Variants in LIN54 observed in about 807,000 individuals in gnomAD.
LIN54 encodes the protein lin-54 DREAM MuvB core complex component.
In LIN54, 9 loss-of-function variants were observed where a neutral mutation model predicts 78.7. The observed-to-expected ratio is 0.11, with a 90% CI of 0.07 to 0.20. The LOEUF (loss-of-function observed/expected upper bound fraction) is 0.20, where lower values mean the gene tolerates loss of function less well. Among genes scored for constraint, LIN54 ranks in the 10% least tolerant of loss-of-function variants. LIN54 has a pLI of 1.00. For synonymous variants in LIN54, 269 were observed against 318.4 expected, an observed-to-expected ratio of 0.84 and a Z score of 1.65; for missense variants, 573 against 889.9, an observed-to-expected ratio of 0.64 and a Z score of 4.53.
chr4:82,989,674 C>A (rs1727495223), intron 1 of LIN54, among the ~76,000 whole-genome samples: 1 of 152,188 alleles, frequency 6.6e-6, no homozygotes, highest in Non-Finnish European at 1.5e-5. Flanking sequence ...ATTAATCTTT[C>A]TCTTTAAAGC....
intron 2 of LIN54, 105 bp from the exon 3 acceptor site, chr4:82,979,111 C>T: frequency 1.4e-6 from 1 of 702,322 alleles, no homozygotes; most frequent in South Asian, 2.7e-5. Flanking sequence ...AAAACCAGCT[C>T]ACTTAACAGA....
intron 11 of LIN54, 94 bp from the exon 12 acceptor site, chr4:82,931,239 C>A (rs1409708210): frequency 2.3e-6 from 2 of 853,158 alleles, no homozygotes; most frequent in Non-Finnish European, 3.8e-6. Flanking sequence ...AATAGCATTA[C>A]CTGGTCAACT....
At chr4:82,936,167 A>T (rs1232675339) in intron 10 of LIN54, 49 bp from the exon 11 acceptor site, 3 of 1,604,966 alleles carry the variant, frequency 1.9e-6, no homozygotes, top group Admixed American at 3.3e-5. Context: ...CAGTAGATGA[A>T]ATTTAAACAC....
At chr4:82,978,843 A>G in intron 3 of LIN54, 40 bp downstream of exon 3, 1 of 1,267,590 alleles carries the variant, frequency 7.9e-7, no homozygotes, top group East Asian at 2.4e-5. Context: ...TCTAAAAGGA[A>G]GATAAATATT....
Position 82,984,665 on chromosome 4 carries a change from G to C in LIN54, c.180C>G (p.Pro60=). 1.9e-6 allele frequency: 3 copies of C among 1,614,156 alleles called. No homozygotes were observed. Among genetic ancestry groups the C allele is most frequent in the Non-Finnish European group, 2.5e-6 (3 of 1,180,026 alleles). ...ACACTGTGATTGGTTCCGTGGAAAT[G>C]GGCGTGGCTGTAGAGTCACCAGTAG... is the stretch of plus-strand genomic sequence containing the variant. ...INSTGDSTAT[P]ISTEPITVYS... The change falls in exon 2 of 13, where the codon CCC becomes CCG. Residue 60 remains proline, a synonymous_variant. Transcript: ENST00000340417.
intron 1 of LIN54, among the ~76,000 whole-genome samples, chr4:82,987,455 G>T (rs557291134): frequency 6.6e-6 from 1 of 152,266 alleles, no homozygotes; most frequent in East Asian, 1.9e-4. Flanking sequence ...GAACATGCAG[G>T]TTTGTTACAC....
Position 83,010,483 on chromosome 4 carries a change from C to T in LIN54, c.-33+1G>A. ...CCCTCGGGTACCCCATCCTCCTCTA[C>T]CTCCAGCGGCTGCCGCTTTCTCCTC... On this transcript the variant is annotated splice_donor_variant, in intron 1 of 12. Transcript: ENST00000340417. LOFTEE classifies it low-confidence loss of function (5UTR_SPLICE). 1 of 1,023,996 alleles carries T rather than the reference C, an allele frequency of 9.8e-7. No homozygotes were observed. The highest frequency in any genetic ancestry group is 1.2e-6 in the Non-Finnish European group (1 of 855,628). 63.4% of individuals were successfully genotyped at this position (1,023,996 alleles called of 1,614,324 possible).
Position 82,984,836 on chromosome 4 carries a change from C to T in LIN54, c.9G>A (p.Val3=). The change falls in exon 2 of 13, where the codon GTG becomes GTA. Residue 3 remains valine, a synonymous_variant. Coordinates refer to ENST00000340417, the MANE Select transcript of LIN54 (RefSeq NM_194282.4). The part of the protein sequence containing the change: ME[V]VPAEVNSLLP... ...GCAAACTATTCACCTCAGCTGGCAC[C>T]ACCTCCATGATCGTTCTCCCGCTAG... 2 of 1,608,306 alleles carry T rather than the reference C, an allele frequency of 1.2e-6. No individual in the cohort carries two copies. The highest frequency in any genetic ancestry group is 8.5e-7 in the Non-Finnish European group (1 of 1,177,158).
rs147947630 is a variant in LIN54, at chr4:82,997,784, G to C, written c.-33+12700C>G. On this transcript the variant is annotated intron_variant, in intron 1 of 12. Coordinates refer to ENST00000340417, the MANE Select transcript of LIN54 (RefSeq NM_194282.4). ...AAGGAGGGCGGATCACCTGAGGTCA[G>C]GAGTTTGAGACCAGCCTGGCCAACA... 4.4e-3 allele frequency among the ~76,000 whole-genome samples: 663 copies of C among 151,494 alleles called. 8 individuals carry two copies. Among genetic ancestry groups the C allele is most frequent in the African/African-American group, 0.015 (611 of 41,222 alleles).
intron 4 of LIN54, among the ~76,000 whole-genome samples, chr4:82,962,420 T>A (rs1724872878): frequency 6.6e-6 from 1 of 152,186 alleles, no homozygotes; most frequent in Non-Finnish European, 1.5e-5. Flanking sequence ...CTTAAAAAAA[T>A]TTATTTTTAA....
At chr4:82,981,913 A>T (rs1267238030) in intron 2 of LIN54, among the ~76,000 whole-genome samples, 2 of 152,168 alleles carry the variant, frequency 1.3e-5, no homozygotes, top group African/African-American at 4.8e-5. Context: ...TTGCATCTGT[A>T]GTCCCAGCTA....
At chr4:82,930,342 G>A (rs1478293633) in intron 12 of LIN54, among the ~76,000 whole-genome samples, 1 of 152,186 alleles carries the variant, frequency 6.6e-6, no homozygotes, top group Admixed American at 6.5e-5. Flanking sequence ...GACAAACACT[G>A]GAGATATTAT....
At chr4:82,943,987 G>A (rs1688120062) in intron 5 of LIN54, among the ~76,000 whole-genome samples, 1 of 150,466 alleles carries the variant, frequency 6.6e-6, no homozygotes, top group African/African-American at 2.5e-5. Flanking sequence ...TCCTGCCTCA[G>A]CCTCCCAAGT....
intron 12 of LIN54, among the ~76,000 whole-genome samples, chr4:82,929,192 T>TA (rs1390840473): frequency 6.6e-6 from 1 of 152,226 alleles, no homozygotes; most frequent in Non-Finnish European, 1.5e-5. Flanking sequence ...AATATTAATT[T>TA]AAGGTTTTGG....
At chr4:82,970,739 G>C (rs1299517444) in intron 3 of LIN54, among the ~76,000 whole-genome samples, 2 of 152,198 alleles carry the variant, frequency 1.3e-5, no homozygotes, top group Non-Finnish European at 2.9e-5. Flanking sequence ...CCATCAGAGA[G>C]AAAGCTCAGG....
chr4:82,957,824 T>C (rs1724453030), intron 4 of LIN54, among the ~76,000 whole-genome samples: 1 of 152,188 alleles, frequency 6.6e-6, no homozygotes, highest in Non-Finnish European at 1.5e-5. Context: ...CTATAAACTT[T>C]AGGGTCTGTG....
intron 1 of LIN54, among the ~76,000 whole-genome samples, chr4:82,991,146 T>A (rs1392979805): frequency 1.1e-5 from 1 of 94,566 alleles, no homozygotes; most frequent in Non-Finnish European, 2.2e-5. Flanking sequence ...TGACAGCCTG[T>A]CTCTTAAGAA....
chr4:83,006,302 AGCCAGACATGCTGGCATGC>A (rs1376550357), intron 1 of LIN54, among the ~76,000 whole-genome samples: 1 of 152,066 alleles, frequency 6.6e-6, no homozygotes, highest in Non-Finnish European at 1.5e-5. Flanking sequence ...ACAAAAAATT[AGCCAGACATGCTGGCATGC>A]GCCTGTAGTC....
intron 1 of LIN54, among the ~76,000 whole-genome samples, chr4:83,001,350 G>GAA (rs1553959339): frequency 2.7e-3 from 1 of 368 alleles, no homozygotes; most frequent in Admixed American, 0.1. Flanking sequence ...CCCGCAGTTT[G>GAA]AGTAACCTGG....
Sources: allele counts gnomAD v4.1 joint callset (sites outside exome capture counted in the v4.1 genomes callset), GRCh38; gene constraint gnomAD v4.1.1; transcripts MANE v1.5; gene names NCBI Gene and HGNC (gene_info 2026-07-23, HGNC 2026-07-21).